The following XKR3 variants were observed in gnomAD, a reference collection of about 807,000 sequenced individuals.
XKR3 encodes the protein XK related 3.
A neutral mutation model predicts 40.3 loss-of-function variants in XKR3; 27 were observed. The observed-to-expected ratio is 0.67, with a 90% CI of 0.49 to 0.92. The LOEUF is 0.92. Ranked by LOEUF, XKR3 falls within the 40% of genes least tolerant of loss-of-function variation. The pLI, the probability that XKR3 is intolerant of heterozygous loss-of-function variation, is 0.00. For synonymous variants in XKR3, 193 were observed against 195.4 expected (o/e 0.99, Z 0.10); for missense variants, 472 against 537.6 (o/e 0.88, Z 1.21).
At chr22:16,802,881 AT>A (rs1178161426) in intron 2 of XKR3, among the ~76,000 whole-genome samples, 2 of 152,058 alleles carry the variant, frequency 1.3e-5, no homozygotes, top group South Asian at 2.1e-4. Flanking sequence ...TTTTCTTTTT[AT>A]TTTTTTGACA....
At chr22:16,818,907 G>C (rs2060244705) in intron 1 of XKR3, among the ~76,000 whole-genome samples, 2 of 151,992 alleles carry the variant, frequency 1.3e-5, no homozygotes, top group Admixed American at 6.6e-5. Context: ...GGCTCCACTG[G>C]GGAGTTAAGC....
At chr22:16,824,190 CTT>C (rs1489477715) in intron 1 of XKR3, among the ~76,000 whole-genome samples, 2 of 152,054 alleles carry the variant, frequency 1.3e-5, no homozygotes, top group African/African-American at 4.8e-5. Context: ...AAAAAACACT[CTT>C]GTAAATAAAG....
intron 3 of XKR3, among the ~76,000 whole-genome samples, chr22:16,796,469 C>A (rs1255639885): frequency 6.6e-6 from 1 of 152,296 alleles, no homozygotes. Context: ...AAAATCTCAG[C>A]AAACTGGATC....
intron 3 of XKR3, among the ~76,000 whole-genome samples, chr22:16,792,316 A>G (rs2060123790): frequency 6.6e-6 from 1 of 152,240 alleles, no homozygotes; most frequent in South Asian, 2.1e-4. Context: ...TAGAAAGCAA[A>G]TAATTATGAA....
At chr22:16,816,122 T>C (rs942184374) in intron 1 of XKR3, among the ~76,000 whole-genome samples, 2 of 151,942 alleles carry the variant, frequency 1.3e-5, no homozygotes, top group African/African-American at 4.8e-5. Flanking sequence ...GAGTATTTAA[T>C]ATTTTAACAC....
chr22:16,786,029 CAAAGTGAAACTCTAAAA>C (rs2060089168), intron 3 of XKR3, among the ~76,000 whole-genome samples: 1 of 152,086 alleles, frequency 6.6e-6, no homozygotes, highest in East Asian at 1.9e-4. Flanking sequence ...AAGGAATACT[CAAAGTGAAACTCTAAAA>C]CATTAGCATT....
At chr22:16,822,019 AATTT>A (rs2146183522) in intron 1 of XKR3, among the ~76,000 whole-genome samples, 1 of 152,292 alleles carries the variant, frequency 6.6e-6, no homozygotes, top group South Asian at 2.1e-4. Context: ...TCTACAAATT[AATTT>A]ATCAAATGGC....
chr22:16,816,746 A>G (rs9606476), intron 1 of XKR3, among the ~76,000 whole-genome samples: 68,225 of 151,684 alleles, frequency 0.45, 15,637 homozygotes, highest in Non-Finnish European at 0.46. Context: ...TGGCCCTTCT[A>G]TACATGTTTT....
intron 3 of XKR3, among the ~76,000 whole-genome samples, chr22:16,786,254 G>A (rs1236456116): frequency 5.7e-3 from 61 of 10,742 alleles, no homozygotes; most frequent in African/African-American, 0.018. Flanking sequence ...TACAAAACGC[G>A]TGCACACACA....
chr22:16,815,834 A>G (rs1451728814), intron 1 of XKR3, among the ~76,000 whole-genome samples: 7 of 151,978 alleles, frequency 4.6e-5, no homozygotes, highest in African/African-American at 1.7e-4. Flanking sequence ...TCTGGCGTAT[A>G]TTGTGACAAT....
At position 16,784,103 on chromosome 22, in the gene XKR3, T is replaced by C. The variant is rs1388454130; in HGVS notation, c.896A>G (p.Asn299Ser). The C allele has an allele frequency of 3.1e-6, 5 of 1,614,064 alleles. No individual in the cohort carries two copies. The highest frequency in any genetic ancestry group is 2.7e-5 in the African/African-American group (2 of 74,936). The change falls in exon 4 of 4, where the codon AAT (asparagine) becomes AGT (serine). Residue 299 changes from asparagine to serine, a missense_variant. By Grantham distance (46) the Asn-to-Ser change is conservative. Transcript: ENST00000684488. ...AAGCATCAGTACTGTACCCACCATA[T>C]TGGAATTATTTTCTTTGTTGCCAGG... ...HLPGNKENNS[N>S]MVGTVLMLFL...
At position 16,787,526 on chromosome 22, in the gene XKR3, T is replaced by A. The variant is rs1367293345; in HGVS notation, c.590-3117A>T. 5.4e-5 allele frequency among the ~76,000 whole-genome samples: 8 copies of A among 147,846 alleles called. No homozygotes were observed. The East Asian group carries it at 7.9e-4, about 15-fold the overall frequency. On this transcript the variant is annotated intron_variant, in intron 3 of 3. Coordinates refer to ENST00000684488, the MANE Select transcript of XKR3 (RefSeq NM_001386955.1). ...TTGAGCCAAGATCACGCCATTGCAC[T>A]CCAGCCTAGGCAACAAGAGCAAAAC...
rs138665751 is a variant in XKR3, at chr22:16,815,491, A to G, written c.-10-7408T>C. The stretch of plus-strand genomic sequence containing the variant: ...GAGCTGGAAAGTCTGTTAATTTTAT[A>G]TTGGTTACCTTTAACCATAAAATCA... On this transcript the variant is annotated intron_variant, in intron 1 of 3. Coordinates refer to ENST00000684488, the MANE Select transcript of XKR3 (RefSeq NM_001386955.1). Among the ~76,000 whole-genome samples the G allele has an allele frequency of 5.1e-3, 783 of 152,160 alleles. 17 individuals carry two copies. In the East Asian group the frequency reaches 0.052, roughly 10 times the overall value.
At chr22:16,789,013 C>T (rs536739077) in intron 3 of XKR3, among the ~76,000 whole-genome samples, 3 of 152,092 alleles carry the variant, frequency 2.0e-5, no homozygotes, top group South Asian at 2.1e-4. Context: ...ATGACATAAA[C>T]GAGAATAACC....
chr22:16,824,774 C>A (rs1179678211), intron 1 of XKR3, among the ~76,000 whole-genome samples: 1 of 152,156 alleles, frequency 6.6e-6, no homozygotes, highest in Non-Finnish European at 1.5e-5. Flanking sequence ...CACAGAAGGA[C>A]CTCTATAATT....
In XKR3 at chr22:16,799,898, C is replaced by A. The variant is rs200760603; in HGVS notation, c.462G>T (p.Arg154=). 4 of 1,614,026 alleles carry A rather than the reference C, an allele frequency of 2.5e-6. No homozygotes were observed. The South Asian group carries it at 4.4e-5, about 18-fold the overall frequency. ...MLEREIAFSI[R]DNFMQQKAFK... is the part of the protein sequence containing the mutation. ...AAGCCTTCTGCTGCATGAAATTATC[C>A]CGGATTGAGAATGCAATCTCCCTTT... Residue 154 remains arginine, a synonymous_variant, in exon 3 of 4, where the codon CGG becomes CGT. Coordinates refer to ENST00000684488, the MANE Select transcript of XKR3 (RefSeq NM_001386955.1).
chr22:16,807,838 A>G lies in XKR3; in HGVS notation c.236T>C (p.Ile79Thr), dbSNP rs780558749. ...FTISFIIVGA[I>T]LDQIILMFFN... ...AAACATCAGGATAATTTGATCCAAA[A>G]TTGCCCCCACAATAATAAAGCTGAT... The change falls in exon 2 of 4, where the codon ATT becomes ACT. Residue 79 changes from isoleucine (I) to threonine (T), a missense_variant. Ile to Thr is a moderately conservative substitution (Grantham distance 89). Coordinates refer to ENST00000684488, the MANE Select transcript of XKR3 (RefSeq NM_001386955.1). 12 of 1,613,864 alleles carry G rather than the reference A, an allele frequency of 7.4e-6. No individual in the cohort carries two copies. The South Asian group carries it at 1.2e-4, about 16-fold the overall frequency.
chr22:16,785,112 T>C (rs2060084306), intron 3 of XKR3, among the ~76,000 whole-genome samples: 1 of 152,152 alleles, frequency 6.6e-6, no homozygotes, highest in Admixed American at 6.5e-5. Flanking sequence ...GGTCAGGAGA[T>C]TGAGACCATC....
intron 2 of XKR3, among the ~76,000 whole-genome samples, chr22:16,806,987 A>G (rs1037593566): frequency 1.3e-5 from 2 of 152,194 alleles, no homozygotes; most frequent in African/African-American, 2.4e-5. Flanking sequence ...GTCTTTCCCA[A>G]AGTTAATCTA....
Sources: gnomAD v4.1 joint callset for allele counts (sites outside exome capture counted in the v4.1 genomes callset) on GRCh38, gnomAD v4.1.1 for gene constraint, MANE v1.5 for transcripts, NCBI Gene and HGNC (gene_info 2026-07-23, HGNC 2026-07-21) for gene names.